Variants in ACAD11 observed in about 807,000 individuals in gnomAD.
The protein encoded by ACAD11 is acyl-Coenzyme A dehydrogenase family, member 11.
A neutral mutation model predicts 102.2 loss-of-function variants in ACAD11; 83 were observed. The observed-to-expected ratio is 0.81, with a 90% CI of 0.68 to 0.97. The LOEUF (loss-of-function observed/expected upper bound fraction) is 0.97, where lower values mean the gene tolerates loss of function less well. Ranked by LOEUF, ACAD11 falls within the 50% of genes least tolerant of loss-of-function variation. ACAD11 has a pLI of 0.00. For synonymous variants in ACAD11, 324 were observed against 319.8 expected, an observed-to-expected ratio of 1.01 and a Z score of -0.14; for missense variants, 901 against 951.7, an observed-to-expected ratio of 0.95 and a Z score of 0.70.
At position 132,657,895 on chromosome 3, in the gene ACAD11, C is replaced by G. The variant is rs543057942; in HGVS notation, c.149+1708G>C. On this transcript the variant is annotated intron_variant, in intron 1 of 19. Coordinates refer to ENST00000264990, the MANE Select transcript of ACAD11 (RefSeq NM_032169.5). ...TTTTTTTTTTTTTTTTTGAGTCTCACTCTGTCACCTAGGCTGGAGCATGGT... is the reference window on the plus strand; with the variant it reads ...TTTTTTTTTTTTTTTTTGAGTCTCAGTCTGTCACCTAGGCTGGAGCATGGT... Among the ~76,000 whole-genome samples, 36 of 131,024 alleles carry G rather than the reference C, an allele frequency of 2.7e-4. No individual in the cohort carries two copies. In the East Asian group the frequency reaches 5.2e-3, roughly 19 times the overall value. 86.0% of individuals were successfully genotyped at this position (131,024 alleles called of 152,430 possible).
intron 8 of ACAD11, among the ~76,000 whole-genome samples, chr3:132,628,095 T>C (rs1939896609): frequency 6.6e-6 from 1 of 152,196 alleles, no homozygotes; most frequent in Admixed American, 6.5e-5. Flanking sequence ...TTTATCTATA[T>C]CCTTAAACAT....
chr3:132,644,749 G>A (rs768431879), intron 2 of ACAD11, 48 bp downstream of exon 2: 1 of 1,197,088 alleles, frequency 8.4e-7, no homozygotes, highest in Non-Finnish European at 1.2e-6. Context: ...TGTATTAAAA[G>A]CATTTATTTG....
At chr3:132,610,479 G>C (rs2107835570) in intron 11 of ACAD11, among the ~76,000 whole-genome samples, 1 of 152,056 alleles carries the variant, frequency 6.6e-6, no homozygotes, top group Middle Eastern at 3.4e-3. Context: ...CCGCTAGCAA[G>C]ATTAATAAAG....
chr3:132,636,546 A>C (rs1940280720), intron 5 of ACAD11, among the ~76,000 whole-genome samples: 1 of 152,210 alleles, frequency 6.6e-6, no homozygotes, highest in Non-Finnish European at 1.5e-5. Flanking sequence ...AGCTAGGAGT[A>C]AGGTTATTAC....
intron 11 of ACAD11, among the ~76,000 whole-genome samples, chr3:132,617,122 A>G (rs1284227578): frequency 2.6e-5 from 4 of 152,144 alleles, no homozygotes; most frequent in Non-Finnish European, 5.9e-5. Flanking sequence ...TTGTGCAGGG[A>G]TGGGCCTGCC....
intron 11 of ACAD11, among the ~76,000 whole-genome samples, chr3:132,612,360 A>G (rs930660637): frequency 1.3e-5 from 2 of 151,962 alleles, no homozygotes; most frequent in African/African-American, 4.8e-5. Context: ...GCAACAAAAG[A>G]CAAAATTGAC....
At chr3:132,572,942 C>T (rs568973211) in intron 17 of ACAD11, among the ~76,000 whole-genome samples, 7 of 152,054 alleles carry the variant, frequency 4.6e-5, no homozygotes, top group Admixed American at 2.0e-4. Context: ...TTTTAAGTTC[C>T]GGGATACAAG....
At chr3:132,652,045 CA>C (rs1260292554) in intron 1 of ACAD11, among the ~76,000 whole-genome samples, 2 of 152,060 alleles carry the variant, frequency 1.3e-5, no homozygotes, top group Non-Finnish European at 2.9e-5. Flanking sequence ...TGGGAAGGGT[CA>C]GGGGTGGAAT....
chr3:132,622,453 T>C (rs1395438359), intron 9 of ACAD11, among the ~76,000 whole-genome samples: 1 of 152,208 alleles, frequency 6.6e-6, no homozygotes, highest in Non-Finnish European at 1.5e-5. Context: ...AAGAAATATA[T>C]TATGCAGTAC....
At chr3:132,632,114 C>T (rs1376304567) in intron 5 of ACAD11, among the ~76,000 whole-genome samples, 1 of 149,844 alleles carries the variant, frequency 6.7e-6, no homozygotes. Context: ...GACGGAGTCT[C>T]GCTCTGTCTC....
intron 13 of ACAD11, among the ~76,000 whole-genome samples, chr3:132,587,474 T>G (rs974626721): frequency 6.6e-6 from 1 of 151,974 alleles, no homozygotes; most frequent in African/African-American, 2.4e-5. Flanking sequence ...TTATTTTTTA[T>G]GTTTTCTATT....
intron 5 of ACAD11, among the ~76,000 whole-genome samples, chr3:132,632,580 T>C (rs1169469610): frequency 6.6e-6 from 1 of 152,224 alleles, no homozygotes; most frequent in Non-Finnish European, 1.5e-5. Context: ...TGGTTCCATA[T>C]GAACTTTAAA....
intron 5 of ACAD11, among the ~76,000 whole-genome samples, chr3:132,638,145 T>C (rs865799556): frequency 1.3e-5 from 2 of 152,284 alleles, no homozygotes; most frequent in South Asian, 2.1e-4. Context: ...CTGAGCATCA[T>C]TGATGTGCCA....
Position 132,628,334 on chromosome 3 carries a change from C to T in ACAD11, c.1070+6G>A, listed in dbSNP as rs747107056. The T allele has an allele frequency of 6.2e-7, 1 of 1,605,798 alleles. No homozygotes were observed. The highest frequency in any genetic ancestry group is 2.2e-5 in the East Asian group (1 of 44,726). On this transcript the variant is annotated splice_donor_region_variant and intron_variant, in intron 8 of 19. Transcript: ENST00000264990. The stretch of plus-strand genomic sequence containing the variant: ...TTGAGTTAGCCAAGGAATCTGTTTT[C>T]CTTACCGTTTGGAGAGTTGTAGTCC...
intron 1 of ACAD11, among the ~76,000 whole-genome samples, chr3:132,651,977 A>C (rs1332994622): frequency 6.6e-6 from 1 of 152,176 alleles, no homozygotes; most frequent in African/African-American, 2.4e-5. Flanking sequence ...TGCTGAAATA[A>C]GACTTTGGGG....
chr3:132,613,497 G>A (rs1939259705), intron 11 of ACAD11, among the ~76,000 whole-genome samples: 1 of 152,048 alleles, frequency 6.6e-6, no homozygotes. Flanking sequence ...AGTATTGGAA[G>A]TTCTGGCCAG....
At chr3:132,562,285 A>G (rs1045563019) in intron 17 of ACAD11, among the ~76,000 whole-genome samples, 1 of 152,034 alleles carries the variant, frequency 6.6e-6, no homozygotes, top group Non-Finnish European at 1.5e-5. Context: ...TGTATTTTTT[A>G]GTAGAGACAG....
Position 132,575,906 on chromosome 3 carries a change from T to A in ACAD11, c.1867A>T (p.Ile623Phe). The change falls in exon 17 of 20, where the codon ATT (isoleucine) becomes TTT (phenylalanine). Residue 623 changes from isoleucine to phenylalanine, a missense_variant. Transcript: ENST00000264990. ...LILGEGRGFE[I>F]SQGRLGPGRI... Reference sequence around the variant, plus strand: ...CCAGGTCCAAGGCGGCCTTGGGAAATTTCAAATCCCCTACCTTCACCTGGG... The same window carrying A: ...CCAGGTCCAAGGCGGCCTTGGGAAAATTCAAATCCCCTACCTTCACCTGGG... The A allele has an allele frequency of 1.2e-6, 2 of 1,613,896 alleles. No individual in the cohort carries two copies.
At chr3:132,568,516 G>A (rs1937276785) in intron 17 of ACAD11, among the ~76,000 whole-genome samples, 2 of 152,142 alleles carry the variant, frequency 1.3e-5, no homozygotes, top group South Asian at 4.1e-4. Context: ...TAAATTATAT[G>A]CAAAGGCAAA....
Sources: gnomAD v4.1 joint callset for allele counts (sites outside exome capture counted in the v4.1 genomes callset) on GRCh38, gnomAD v4.1.1 for gene constraint, MANE v1.5 for transcripts, NCBI Gene and HGNC (gene_info 2026-07-23, HGNC 2026-07-21) for gene names.